The following HS3ST4 variants were observed in gnomAD, a reference collection of about 807,000 sequenced individuals.
HS3ST4 encodes the protein heparan sulfate-glucosamine 3-sulfotransferase 4, also known as heparan sulfate glucosamine 3-O-sulfotransferase 4.
HS3ST4 carries 17 observed loss-of-function variants against 29.2 expected under a neutral mutation model. The ratio of observed to expected loss-of-function variants is 0.58; its 90% CI spans 0.40 to 0.87. HS3ST4 has a LOEUF of 0.87. HS3ST4 is among the 40% of genes least tolerant of loss of function. The probability of loss-of-function intolerance (pLI) is 0.00; values close to 1 mark genes in which losing one functional copy is unlikely to be tolerated. For missense variants in HS3ST4, 627 were observed against 634.5 expected, an observed-to-expected ratio of 0.99 and a Z score of 0.13; for synonymous variants, 314 against 285.7, an observed-to-expected ratio of 1.10 and a Z score of -1.00.
intron 1 of HS3ST4, among the ~76,000 whole-genome samples, chr16:25,963,922 G>T (rs1221867113): frequency 6.6e-6 from 1 of 152,180 alleles, no homozygotes; most frequent in Non-Finnish European, 1.5e-5. Flanking sequence ...TGTAATCTCA[G>T]TGCTTTGGGA....
chr16:25,959,446 C>T (rs1406475785), intron 1 of HS3ST4, among the ~76,000 whole-genome samples: 1 of 152,128 alleles, frequency 6.6e-6, no homozygotes, highest in Admixed American at 6.5e-5. Context: ...CTGTCCAGAA[C>T]CCGGCATGCA....
intron 1 of HS3ST4, among the ~76,000 whole-genome samples, chr16:25,811,557 C>G (rs991424702): frequency 2.0e-5 from 3 of 151,674 alleles, no homozygotes; most frequent in Non-Finnish European, 4.4e-5. Flanking sequence ...CCTCAGCCTC[C>G]CGAGTAGCTG....
chr16:26,113,196 T>TAA (rs1226434571), intron 1 of HS3ST4, among the ~76,000 whole-genome samples: 1 of 152,052 alleles, frequency 6.6e-6, no homozygotes, highest in Non-Finnish European at 1.5e-5. Flanking sequence ...ATTTTTCAAA[T>TAA]AAAAAAGATT....
At position 25,926,830 on chromosome 16, in the gene HS3ST4, C is replaced by A. The variant is rs377355305; in HGVS notation, c.735-208782C>A. On this transcript the variant is annotated intron_variant, in intron 1 of 1. Coordinates refer to ENST00000331351, the MANE Select transcript of HS3ST4 (RefSeq NM_006040.3). Reference sequence around the variant, plus strand: ...TGATGGTTTGCCCATAAGACCCATGCCTAATGGTTTTCCTATGATCTCAGT... The same window carrying A: ...TGATGGTTTGCCCATAAGACCCATGACTAATGGTTTTCCTATGATCTCAGT... 7.9e-5 allele frequency among the ~76,000 whole-genome samples: 12 copies of A among 152,274 alleles called. No individual in the cohort carries two copies. The East Asian group carries it at 1.9e-3, about 25-fold the overall frequency.
At chr16:25,713,884 G>T (rs999997755) in intron 1 of HS3ST4, among the ~76,000 whole-genome samples, 1 of 152,178 alleles carries the variant, frequency 6.6e-6, no homozygotes, top group African/African-American at 2.4e-5. Flanking sequence ...CCTTGGCCCT[G>T]CCTGTTGCTT....
intron 1 of HS3ST4, among the ~76,000 whole-genome samples, chr16:25,767,624 C>T (rs1486866998): frequency 3.3e-5 from 5 of 152,100 alleles, no homozygotes; most frequent in African/African-American, 4.8e-5. Flanking sequence ...CAGGTACAGG[C>T]CATTTTGGAC....
chr16:26,020,128 A>G (rs1358764167), intron 1 of HS3ST4, among the ~76,000 whole-genome samples: 1 of 152,236 alleles, frequency 6.6e-6, no homozygotes. Context: ...AGCCCAGGGC[A>G]TGCAGAGCTT....
At chr16:25,841,068 G>A (rs1006174171) in intron 1 of HS3ST4, among the ~76,000 whole-genome samples, 4 of 151,528 alleles carry the variant, frequency 2.6e-5, no homozygotes, top group Admixed American at 1.3e-4. Flanking sequence ...GCAGTGGTGC[G>A]ATCTCTGCTC....
intron 1 of HS3ST4, among the ~76,000 whole-genome samples, chr16:25,895,978 A>G (rs912345192): frequency 6.6e-6 from 1 of 152,056 alleles, no homozygotes; most frequent in Admixed American, 6.5e-5. Context: ...GATGGGGGGA[A>G]CTAATGTCCA....
chr16:25,815,634 A>AT (rs1423142634), intron 1 of HS3ST4, among the ~76,000 whole-genome samples: 1 of 152,164 alleles, frequency 6.6e-6, no homozygotes, highest in Non-Finnish European at 1.5e-5. Context: ...TAAGTATTAT[A>AT]TTTTTAAAAG....
intron 1 of HS3ST4, among the ~76,000 whole-genome samples, chr16:25,784,623 A>C (rs181313692): frequency 6.6e-6 from 1 of 152,206 alleles, no homozygotes; most frequent in African/African-American, 2.4e-5. Context: ...AACTCTCTTC[A>C]GTTCTATGAA....
At chr16:25,900,644 A>G (rs1968112308) in intron 1 of HS3ST4, among the ~76,000 whole-genome samples, 2 of 152,038 alleles carry the variant, frequency 1.3e-5, no homozygotes, top group Non-Finnish European at 2.9e-5. Context: ...TACCCGAGGA[A>G]TGATAGACTT....
chr16:26,078,784 TG>T (rs1444742905), intron 1 of HS3ST4, among the ~76,000 whole-genome samples: 1 of 152,196 alleles, frequency 6.6e-6, no homozygotes, highest in African/African-American at 2.4e-5. Flanking sequence ...CAAATAGATT[TG>T]GTTGGGAAAA....
chr16:26,114,927 C>T (rs1280929784), intron 1 of HS3ST4, among the ~76,000 whole-genome samples: 3 of 152,048 alleles, frequency 2.0e-5, no homozygotes, highest in Non-Finnish European at 4.4e-5. Context: ...TGTACAAAGT[C>T]GCTCACTTTG....
At chr16:25,996,739 C>T (rs1406931801) in intron 1 of HS3ST4, among the ~76,000 whole-genome samples, 3 of 152,056 alleles carry the variant, frequency 2.0e-5, no homozygotes, top group African/African-American at 7.2e-5. Flanking sequence ...TTTGGGGAAA[C>T]TTATTCTTTT....
At chr16:25,873,030 A>G (rs1967772119) in intron 1 of HS3ST4, among the ~76,000 whole-genome samples, 1 of 152,064 alleles carries the variant, frequency 6.6e-6, no homozygotes, top group African/African-American at 2.4e-5. Flanking sequence ...TCCAGTTCTT[A>G]AATATGTTGA....
chr16:26,110,743 T>TGAGGACTCCTCACGGCACTCA (rs1899117584), intron 1 of HS3ST4, among the ~76,000 whole-genome samples: 1 of 152,190 alleles, frequency 6.6e-6, no homozygotes, highest in East Asian at 1.9e-4. Context: ...CAGAAACTAC[T>TGAGGACTCCTCACGGCACTCA]GAGGACTCCT....
At chr16:25,997,028 C>T (rs1013441322) in intron 1 of HS3ST4, among the ~76,000 whole-genome samples, 1 of 152,022 alleles carries the variant, frequency 6.6e-6, no homozygotes, top group African/African-American at 2.4e-5. Flanking sequence ...TTTTCCTTTT[C>T]TAGCTAGTGA....
At chr16:26,057,582 G>A (rs776271589) in intron 1 of HS3ST4, among the ~76,000 whole-genome samples, 11 of 152,068 alleles carry the variant, frequency 7.2e-5, no homozygotes, top group East Asian at 1.9e-4. Context: ...GTGAAACTCC[G>A]TCTCTACTAA....
Sources: allele counts gnomAD v4.1 joint callset (sites outside exome capture counted in the v4.1 genomes callset), GRCh38; gene constraint gnomAD v4.1.1; transcripts MANE v1.5; gene names NCBI Gene and HGNC (gene_info 2026-07-23, HGNC 2026-07-21).